NHSL2: variants seen among roughly 807,000 people sequenced by gnomAD.
NHSL2 encodes the protein NHS like 2, also known as NHS-like protein 2.
A neutral mutation model predicts 53.4 loss-of-function variants in NHSL2; 27 were observed. The ratio of observed to expected loss-of-function variants is 0.51; its 90% CI spans 0.37 to 0.70. The LOEUF is 0.70. NHSL2 is among the 30% of genes least tolerant of loss of function. The pLI, the probability that NHSL2 is intolerant of heterozygous loss-of-function variation, is 0.00. For synonymous variants in NHSL2, 408 were observed against 404.1 expected (o/e 1.01, Z -0.12); for missense variants, 892 against 980.1 (o/e 0.91, Z 1.20).
chrX:72,092,544 G>A (rs2041908060), intron 1 of NHSL2, among the ~76,000 whole-genome samples: 1 of 111,824 alleles, frequency 8.9e-6, no homozygotes, highest in African/African-American at 3.3e-5. Flanking sequence ...AGGCTGTCTG[G>A]TGTGTCCATT....
chrX:72,056,473 T>G (rs1255496677), intron 1 of NHSL2, among the ~76,000 whole-genome samples: 1 of 111,407 alleles, frequency 9.0e-6, no homozygotes, highest in Non-Finnish European at 1.9e-5. Context: ...ATATACTCTC[T>G]CAGCACCCTG....
intron 4 of NHSL2, 109 bp downstream of exon 4, chrX:72,134,813 G>T: frequency 1.7e-6 from 1 of 587,443 alleles, no homozygotes; most frequent in East Asian, 3.6e-5. Flanking sequence ...CTTTGCTACC[G>T]GCTCACCTTG....
At chrX:72,046,393 C>G (rs1416961648) in intron 1 of NHSL2, among the ~76,000 whole-genome samples, 2 of 112,345 alleles carry the variant, frequency 1.8e-5, no homozygotes, top group African/African-American at 6.5e-5. Context: ...GCTTGTGCTT[C>G]CCAGTTCCTG....
At chrX:71,966,999 T>G (rs1378730053) in intron 1 of NHSL2, among the ~76,000 whole-genome samples, 1 of 112,410 alleles carries the variant, frequency 8.9e-6, no homozygotes, top group African/African-American at 3.2e-5. Context: ...ATTATCAATT[T>G]CTTTTTGTGT....
intron 1 of NHSL2, among the ~76,000 whole-genome samples, chrX:72,002,125 A>G (rs2042075043): frequency 8.9e-6 from 1 of 112,189 alleles, no homozygotes; most frequent in South Asian, 3.7e-4. Context: ...TGCCCCCAAG[A>G]CAGTAGTTAG....
At chrX:71,963,976 T>TATATATATGTGTATATATATATAC (rs2041882236) in intron 1 of NHSL2, among the ~76,000 whole-genome samples, 3 of 5,085 alleles carry the variant, frequency 5.9e-4, no homozygotes, top group Non-Finnish European at 2.7e-3. Context: ...TATATATACA[T>TATATATATGTGTATATATATATAC]ATATATATAT....
At chrX:72,106,692 A>T (rs958386504) in intron 1 of NHSL2, among the ~76,000 whole-genome samples, 8 of 112,204 alleles carry the variant, frequency 7.1e-5, no homozygotes, top group Non-Finnish European at 1.5e-4. Context: ...ACTATTCACA[A>T]TAGCAGACTT....
intron 1 of NHSL2, among the ~76,000 whole-genome samples, chrX:72,005,738 T>C (rs1310227903): frequency 3.6e-5 from 4 of 111,836 alleles, no homozygotes; most frequent in Non-Finnish European, 7.5e-5. Context: ...GATTCATCAG[T>C]GGCTGGATTA....
chrX:72,032,048 C>G (rs1323857233), intron 1 of NHSL2, among the ~76,000 whole-genome samples: 1 of 108,610 alleles, frequency 9.2e-6, no homozygotes, highest in Non-Finnish European at 1.9e-5. Context: ...GTATAACCAT[C>G]ACAATTGGGA....
In NHSL2 at chrX:72,144,306, A is replaced by G. The variant is rs914494471; in HGVS notation, c.*732A>G. The G allele has an allele frequency of 5.8e-5, 8 of 138,626 alleles. No individual in the cohort carries two copies. Among genetic ancestry groups the G allele is most frequent in the Non-Finnish European group, 1.1e-4 (8 of 75,942 alleles). The allele number at this position is 138,626 out of a possible 1,213,427, so 11.4% of individuals were successfully genotyped here. A position where few individuals can be genotyped will look rare whatever the true frequency, so the allele number is the denominator to read the frequency against. On this transcript the variant is annotated 3_prime_UTR_variant, in exon 8 of 8. Transcript: ENST00000633930. ...AAAGACCAGGACTGGGTTGCTTTAAATGAACCAAGCTTGACCAACAAACAA... is the reference window on the plus strand; with the variant it reads ...AAAGACCAGGACTGGGTTGCTTTAAGTGAACCAAGCTTGACCAACAAACAA...
chrX:72,130,621 A>G (rs2042281833), intron 1 of NHSL2: 1 of 1,211,334 alleles, frequency 8.3e-7, no homozygotes, highest in Non-Finnish European at 1.1e-6. Flanking sequence ...TTTTCTTTCT[A>G]TCTCCACACA....
intron 1 of NHSL2, among the ~76,000 whole-genome samples, chrX:71,945,044 C>T (rs2041786047): frequency 8.9e-6 from 1 of 112,016 alleles, no homozygotes; most frequent in Non-Finnish European, 1.9e-5. Flanking sequence ...GATCAGAAGA[C>T]AGTTGTCCAG....
At chrX:71,948,109 TAAAAA>T (rs1166001080) in intron 1 of NHSL2, among the ~76,000 whole-genome samples, 1 of 108,930 alleles carries the variant, frequency 9.2e-6, no homozygotes, top group Non-Finnish European at 1.9e-5. Context: ...GAGAGAAAAA[TAAAAA>T]TAAAATAAAA....
At chrX:72,031,979 T>C (rs1230208965) in intron 1 of NHSL2, among the ~76,000 whole-genome samples, 3 of 111,629 alleles carry the variant, frequency 2.7e-5, no homozygotes, top group Non-Finnish European at 5.6e-5. Context: ...TTACATGTCA[T>C]GTACTCTGTA....
chrX:71,919,756 T>A (rs145450429), intron 1 of NHSL2, among the ~76,000 whole-genome samples: 169 of 110,111 alleles, frequency 1.5e-3, no homozygotes, highest in Non-Finnish European at 2.2e-3. Flanking sequence ...AGCTATGAGA[T>A]GTTTATTGTC....
At chrX:72,020,431 T>A (rs1445876693) in intron 1 of NHSL2, among the ~76,000 whole-genome samples, 3 of 112,898 alleles carry the variant, frequency 2.7e-5, no homozygotes, top group African/African-American at 9.7e-5. Context: ...TCAGGCTAAA[T>A]CCTCAAAGAA....
chrX:71,942,531 C>T (rs1025241884), intron 1 of NHSL2, among the ~76,000 whole-genome samples: 1 of 112,139 alleles, frequency 8.9e-6, no homozygotes, highest in East Asian at 2.8e-4. Flanking sequence ...CCTGGCTGAA[C>T]ATTTTTTAAC....
Position 72,144,511 on chromosome X carries a change from A to G in NHSL2, c.*937A>G. The G allele has an allele frequency of 9.8e-7, 1 of 1,021,091 alleles. No individual in the cohort carries two copies. The highest frequency in any genetic ancestry group is 1.3e-6 in the Non-Finnish European group (1 of 772,731). 84.1% of individuals were successfully genotyped at this position (1,021,091 alleles called of 1,213,427 possible). A position where few individuals can be genotyped will look rare whatever the true frequency, so the allele number is the denominator to read the frequency against. ...GGAAGTAATTAACTGAAGGAACAGC[A>G]TCATCAAAGGCTCAAGGATAATGGA... On this transcript the variant is annotated 3_prime_UTR_variant, in exon 8 of 8. Coordinates refer to ENST00000633930, the MANE Select transcript of NHSL2 (RefSeq NM_001013627.3).
chrX:72,069,605 G>A (rs2042454182), intron 1 of NHSL2: 1 of 734,984 alleles, frequency 1.4e-6, no homozygotes, highest in Non-Finnish European at 1.8e-6. Context: ...GGAGGAGGAG[G>A]AGGAGTAGGA....
Sources: gnomAD v4.1 joint callset for allele counts (sites outside exome capture counted in the v4.1 genomes callset) on GRCh38, gnomAD v4.1.1 for gene constraint, MANE v1.5 for transcripts, NCBI Gene and HGNC (gene_info 2026-07-23, HGNC 2026-07-21) for gene names.